Variants in STC1 observed in about 807,000 individuals in gnomAD.
The protein encoded by STC1 is stanniocalcin 1.
In STC1, 7 loss-of-function variants were observed where a neutral mutation model predicts 22.6. That is an observed-to-expected ratio of 0.31 (90% confidence interval 0.18 to 0.58). The LOEUF is 0.58. Among genes scored for constraint, STC1 ranks in the 20% least tolerant of loss-of-function variants. The pLI is 0.89. For missense variants in STC1, 224 were observed against 311.0 expected, an observed-to-expected ratio of 0.72 and a Z score of 2.10; for synonymous variants, 113 against 120.7, an observed-to-expected ratio of 0.94 and a Z score of 0.42.
At position 23,854,481 on chromosome 8, in the gene STC1, C is replaced by A; in HGVS notation, c.43G>T (p.Ala15Ser). 1 of 1,614,022 alleles carries A rather than the reference C, an allele frequency of 6.2e-7. No individual in the cohort carries two copies. Among genetic ancestry groups the A allele is most frequent in the Non-Finnish European group, 8.5e-7 (1 of 1,180,012 alleles). ...TGCTCCGCCTCATGGGTTGCAGAAGCACTGATCACCAGCACCAGAAGCACT... is the reference window on the plus strand; with the variant it reads ...TGCTCCGCCTCATGGGTTGCAGAAGAACTGATCACCAGCACCAGAAGCACT... ...SAVLLVLVIS[A>S]SATHEAEQND... is the part of the protein sequence containing the mutation. The change falls in exon 1 of 4, where the codon GCT becomes TCT. Residue 15 changes from alanine (A) to serine (S), a missense_variant. Coordinates refer to ENST00000290271, the MANE Select transcript of STC1 (RefSeq NM_003155.3).
chr8:23,844,648 G>T lies in STC1; in HGVS notation c.*122C>A, dbSNP rs1447778373. ...CCTAGTTTCATGCAATTTTCTTTAA[G>T]GGGGATAGAAAATAGGAACTACTTT... is the stretch of plus-strand genomic sequence containing the variant. On this transcript the variant is annotated 3_prime_UTR_variant, in exon 4 of 4. Coordinates refer to ENST00000290271, the MANE Select transcript of STC1 (RefSeq NM_003155.3). 4 of 1,153,372 alleles carry T rather than the reference G, an allele frequency of 3.5e-6. No individual in the cohort carries two copies. Among genetic ancestry groups the T allele is most frequent in the African/African-American group, 3.1e-5 (2 of 64,274 alleles). 71.4% of individuals were successfully genotyped at this position (1,153,372 alleles called of 1,614,324 possible). A position where few individuals can be genotyped will look rare whatever the true frequency, so the allele number is the denominator to read the frequency against.
chr8:23,852,744 G>T (rs1367557734), intron 1 of STC1, among the ~76,000 whole-genome samples: 1 of 152,164 alleles, frequency 6.6e-6, no homozygotes, highest in Middle Eastern at 3.2e-3. Context: ...GCACTTGAAA[G>T]CATGGGAAGG....
At position 23,854,745 on chromosome 8, in the gene STC1, A is replaced by T. The variant is rs1438452; in HGVS notation, c.-222T>A. ...TGCCGCCGCTGCTGCTGCTGCTGCC[A>T]CCGCCGCTGCTGCTGCTGCTGCTGC... On this transcript the variant is annotated 5_prime_UTR_variant, in exon 1 of 4. Coordinates refer to ENST00000290271, the MANE Select transcript of STC1 (RefSeq NM_003155.3). The T allele has an allele frequency of 6.2e-6, 4 of 641,144 alleles. No individual in the cohort carries two copies. Among genetic ancestry groups the T allele is most frequent in the Admixed American group, 4.4e-5 (2 of 45,586 alleles). The allele number at this position is 641,144 out of a possible 1,614,324, so 39.7% of individuals were successfully genotyped here.
chr8:23,846,634 C>G (rs757056483), intron 3 of STC1, among the ~76,000 whole-genome samples: 2 of 152,278 alleles, frequency 1.3e-5, no homozygotes, highest in East Asian at 3.9e-4. Context: ...TATGGTCACC[C>G]TTCTGTGGCA....
intron 1 of STC1, among the ~76,000 whole-genome samples, chr8:23,852,880 C>A (rs1263684121): frequency 6.6e-6 from 1 of 152,122 alleles, no homozygotes; most frequent in Admixed American, 6.5e-5. Flanking sequence ...GAAGACTGTG[C>A]CAGGAGTCCA....
intron 2 of STC1, 83 bp downstream of exon 2, chr8:23,852,159 A>G: frequency 1.3e-6 from 2 of 1,578,284 alleles, no homozygotes; most frequent in Middle Eastern, 1.7e-4. Context: ...CTGGTTCCCT[A>G]CAAGACTGGT....
intron 1 of STC1, among the ~76,000 whole-genome samples, chr8:23,852,738 T>C (rs1802652832): frequency 6.6e-6 from 1 of 152,172 alleles, no homozygotes; most frequent in East Asian, 1.9e-4. Context: ...TGCTTAGCAC[T>C]TGAAAGCATG....
chr8:23,851,689 GA>G lies in STC1; in HGVS notation c.262-159del, dbSNP rs3841664. Among the ~76,000 whole-genome samples, 280 of 138,928 alleles carry G rather than the reference GA, an allele frequency of 2.0e-3. 2 individuals carry two copies. Among genetic ancestry groups the G allele is most frequent in the South Asian group, 7.3e-3 (32 of 4,366 alleles). 91.1% of individuals were successfully genotyped at this position (138,928 alleles called of 152,430 possible). The stretch of plus-strand genomic sequence containing the variant: ...AGATTGCATGTCTCGGCTAAGGATT[GA>G]AAAAAAAAAAAGCCCTCTCCCCATC... On this transcript the variant is annotated intron_variant, in intron 2 of 3. Coordinates refer to ENST00000290271, the MANE Select transcript of STC1 (RefSeq NM_003155.3).
At chr8:23,845,679 G>A (rs1286162743) in intron 3 of STC1, among the ~76,000 whole-genome samples, 1 of 152,054 alleles carries the variant, frequency 6.6e-6, no homozygotes, top group South Asian at 2.1e-4. Context: ...TACTTGGACA[G>A]CCCTGATAAA....
Position 23,842,022 on chromosome 8 carries a change from A to T in STC1, c.*2748T>A, listed in dbSNP as rs1212354769. On this transcript the variant is annotated 3_prime_UTR_variant, in exon 4 of 4. Transcript: ENST00000290271. Reference sequence around the variant, plus strand: ...GGCATCTTTAATTATAAAAATAAGCAAATAAAATAACTTGCATCTGTCATT... The same window carrying T: ...GGCATCTTTAATTATAAAAATAAGCTAATAAAATAACTTGCATCTGTCATT... 1 of 152,652 alleles carries T rather than the reference A, an allele frequency of 6.6e-6. No homozygotes were observed. The highest frequency in any genetic ancestry group is 1.5e-5 in the Non-Finnish European group (1 of 68,040). The allele number at this position is 152,652 out of a possible 1,614,324, so 9.5% of individuals were successfully genotyped here.
intron 3 of STC1, among the ~76,000 whole-genome samples, chr8:23,850,777 T>A (rs1802628850): frequency 6.6e-6 from 1 of 152,106 alleles, no homozygotes; most frequent in Admixed American, 6.6e-5. Context: ...ATTTTGCTTT[T>A]TACAAAGGAA....
intron 3 of STC1, among the ~76,000 whole-genome samples, chr8:23,848,358 CCT>C (rs1802596828): frequency 6.6e-6 from 1 of 151,568 alleles, no homozygotes; most frequent in Non-Finnish European, 1.5e-5. Flanking sequence ...ATGATGAAAC[CCT>C]GTCTCTACTA....
intron 2 of STC1, among the ~76,000 whole-genome samples, chr8:23,852,032 T>G (rs1049112111): frequency 1.3e-5 from 2 of 152,046 alleles, no homozygotes; most frequent in Non-Finnish European, 2.9e-5. Context: ...ATACAGAACC[T>G]ATTTCCTGGC....
chr8:23,852,898 A>C (rs919495017), intron 1 of STC1, among the ~76,000 whole-genome samples: 5 of 152,068 alleles, frequency 3.3e-5, no homozygotes, highest in Non-Finnish European at 7.4e-5. Context: ...CCACTTGGAG[A>C]CCCTTCTGAT....
chr8:23,852,912 A>G (rs1802654836), intron 1 of STC1, among the ~76,000 whole-genome samples: 1 of 152,200 alleles, frequency 6.6e-6, no homozygotes, highest in South Asian at 2.1e-4. Flanking sequence ...TTCTGATTTC[A>G]GGCTTTTAAC....
Position 23,851,430 on chromosome 8 carries a change from A to G in STC1, c.363T>C (p.Ile121=). ...IRRCSTFQRM[I]AEVQEECYSK... ...TGTAGCACTCTTCCTGCACCTCAGCAATCATCCTTTGGAAAGTGGAGCACC... is the reference window on the plus strand; with the variant it reads ...TGTAGCACTCTTCCTGCACCTCAGCGATCATCCTTTGGAAAGTGGAGCACC... The change falls in exon 3 of 4, where the codon ATT becomes ATC. Residue 121 remains isoleucine (I), a synonymous_variant. Coordinates refer to ENST00000290271, the MANE Select transcript of STC1 (RefSeq NM_003155.3). The G allele has an allele frequency of 6.2e-7, 1 of 1,614,158 alleles. No homozygotes were observed. The highest frequency in any genetic ancestry group is 8.5e-7 in the Non-Finnish European group (1 of 1,180,028).
chr8:23,854,256 A>G (rs1490995738), intron 1 of STC1, 150 bp downstream of exon 1: 3 of 932,574 alleles, frequency 3.2e-6, no homozygotes, highest in South Asian at 3.3e-5. Context: ...TCCACTGCCT[A>G]AGGCTATTGG....
rs1233005996 is a variant in STC1 at position 23,843,258 on chromosome 8, G to A, written c.*1512C>T. On this transcript the variant is annotated 3_prime_UTR_variant, in exon 4 of 4. Coordinates refer to ENST00000290271, the MANE Select transcript of STC1 (RefSeq NM_003155.3). ...GTGGTCGCCATCTTGTAAACATCAT[G>A]GCAGAAATGATCAAACCACCAGCTC... is the stretch of plus-strand genomic sequence containing the variant. 1.3e-5 allele frequency: 2 copies of A among 152,440 alleles called. No individual in the cohort carries two copies. The highest frequency in any genetic ancestry group is 4.8e-5 in the African/African-American group (2 of 41,372). The allele number at this position is 152,440 out of a possible 1,614,324, so 9.4% of individuals were successfully genotyped here.
intron 2 of STC1, 99 bp from the exon 3 acceptor site, chr8:23,851,630 G>C: frequency 1.0e-6 from 1 of 979,418 alleles, no homozygotes; most frequent in Non-Finnish European, 1.6e-6. Flanking sequence ...TCTGGGCAAC[G>C]TATCATGGCC....
Sources: gnomAD v4.1 joint callset for allele counts (sites outside exome capture counted in the v4.1 genomes callset) on GRCh38, gnomAD v4.1.1 for gene constraint, MANE v1.5 for transcripts, NCBI Gene and HGNC (gene_info 2026-07-23, HGNC 2026-07-21) for gene names.